DPP6: variants seen among roughly 807,000 people sequenced by gnomAD.
DPP6 encodes the protein A-type potassium channel modulatory protein DPP6.
In DPP6, 69 loss-of-function variants were observed where a neutral mutation model predicts 122.6. That is an observed-to-expected ratio of 0.56 (90% CI 0.46 to 0.69). The LOEUF is 0.69. Among genes scored for constraint, DPP6 ranks in the 30% least tolerant of loss-of-function variants. The probability of loss-of-function intolerance (pLI) is 0.00; values close to 1 mark genes in which losing one functional copy is unlikely to be tolerated. For missense variants in DPP6, 928 were observed against 1,116.9 expected (o/e 0.83, Z 2.41); for synonymous variants, 418 against 433.1 (o/e 0.97, Z 0.43).
intron 6 of DPP6, among the ~76,000 whole-genome samples, chr7:154,653,167 C>A (rs189510680): frequency 1.8e-4 from 28 of 152,154 alleles, no homozygotes; most frequent in Non-Finnish European, 2.8e-4. Flanking sequence ...TTGTTTTTAA[C>A]ACATATGATG....
intron 1 of DPP6, among the ~76,000 whole-genome samples, chr7:154,420,063 A>T (rs1371336070): frequency 3.3e-5 from 5 of 152,226 alleles, no homozygotes; most frequent in Admixed American, 6.5e-5. Context: ...GAAGGCCGGC[A>T]CGGTGGCTTT....
chr7:154,064,736 A>G (rs1802562944), intron 1 of DPP6, among the ~76,000 whole-genome samples: 1 of 152,190 alleles, frequency 6.6e-6, no homozygotes, highest in East Asian at 1.9e-4. Context: ...GTTCCTAACG[A>G]GAGAGGAAGA....
chr7:154,559,907 TA>T (rs201282904), intron 4 of DPP6, among the ~76,000 whole-genome samples: 2,168 of 148,020 alleles, frequency 0.015, 28 homozygotes, highest in South Asian at 0.034. Flanking sequence ...CTTTTTCTCT[TA>T]AAAAAAATAA....
chr7:154,011,762 G>A (rs1336621466), intron 1 of DPP6, among the ~76,000 whole-genome samples: 9 of 152,250 alleles, frequency 5.9e-5, no homozygotes, highest in Middle Eastern at 6.8e-3. Context: ...ATTGCCAAAT[G>A]TATTCTTGAG....
chr7:154,209,553 AAAC>A (rs200806588), intron 1 of DPP6, among the ~76,000 whole-genome samples: 1,311 of 103,406 alleles, frequency 0.013, 10 homozygotes, highest in Admixed American at 0.013. Flanking sequence ...TAAAAAAAAA[AAAC>A]AAAAAACCTT....
intron 5 of DPP6, among the ~76,000 whole-genome samples, chr7:154,609,012 C>T (rs1295165885): frequency 8.5e-5 from 13 of 152,152 alleles, no homozygotes; most frequent in African/African-American, 2.2e-4. Context: ...GCCCAAGGCA[C>T]TCACCCTGTT....
intron 1 of DPP6, among the ~76,000 whole-genome samples, chr7:153,958,338 G>A (rs1563048652): frequency 6.6e-6 from 1 of 152,244 alleles, no homozygotes; most frequent in South Asian, 2.1e-4. Flanking sequence ...GTCCTGAAGC[G>A]TTGCCTCATT....
intron 3 of DPP6, among the ~76,000 whole-genome samples, chr7:154,536,645 G>A (rs893689306): frequency 9.9e-5 from 15 of 152,054 alleles, no homozygotes; most frequent in African/African-American, 3.1e-4. Context: ...CAAACCCTTC[G>A]TGAAGGAAAC....
chr7:154,654,564 G>A (rs1837119603), intron 6 of DPP6, among the ~76,000 whole-genome samples: 2 of 151,780 alleles, frequency 1.3e-5, no homozygotes, highest in South Asian at 2.1e-4. Context: ...GATTACAGGC[G>A]CATGCCACCA....
In DPP6 at chr7:153,971,298, A is replaced by G. The variant is rs907240190; in HGVS notation, c.51+83564A>G. 2.4e-4 allele frequency among the ~76,000 whole-genome samples: 36 copies of G among 151,940 alleles called. 1 individual carries two copies. The highest frequency in any genetic ancestry group is 8.4e-4 in the African/African-American group (35 of 41,474). ...ACTTTTTATCCTACAAATTTGCTGA[A>G]CTGTTTTATTGATTTTGTAGTTTTT... On this transcript the variant is annotated intron_variant, in intron 1 of 25. Coordinates refer to the DPP6 transcript ENST00000404039.
At chr7:154,455,788 A>G (rs929043547) in intron 2 of DPP6, among the ~76,000 whole-genome samples, 2 of 152,216 alleles carry the variant, frequency 1.3e-5, no homozygotes, top group South Asian at 2.1e-4. Flanking sequence ...ATGGGTCTAC[A>G]TATTTATCTA....
chr7:153,920,616 A>G (rs1018470257), intron 1 of DPP6, among the ~76,000 whole-genome samples: 2 of 119,174 alleles, frequency 1.7e-5, no homozygotes, highest in Non-Finnish European at 3.2e-5. Context: ...GCTGGAGTGC[A>G]GTGGCGGGAT....
the DPP6 span, among the ~76,000 whole-genome samples, chr7:153,845,287 A>T: frequency 6.6e-6 from 1 of 152,050 alleles, no homozygotes; most frequent in African/African-American, 2.4e-5. Context: ...TTTAAGCTAG[A>T]TTATTAGGTT....
At chr7:154,682,065 A>G (rs569779477) in intron 7 of DPP6, among the ~76,000 whole-genome samples, 1 of 152,360 alleles carries the variant, frequency 6.6e-6, no homozygotes, top group African/African-American at 2.4e-5. Flanking sequence ...ATTTATAGAC[A>G]TAAGGTCCAA....
chr7:154,084,761 G>A (rs1407531887), intron 1 of DPP6, among the ~76,000 whole-genome samples: 6 of 146,830 alleles, frequency 4.1e-5, no homozygotes, highest in South Asian at 2.2e-4. Context: ...AGGCCGAGGC[G>A]GGAGGATCAT....
chr7:154,709,257 G>C (rs1488931), intron 7 of DPP6, among the ~76,000 whole-genome samples: 7,385 of 152,242 alleles, frequency 0.049, 562 homozygotes, highest in African/African-American at 0.16. Context: ...GGAGTTCACT[G>C]CAGTCTTGAC....
chr7:154,366,057 G>C (rs1316760026), intron 1 of DPP6, among the ~76,000 whole-genome samples: 1 of 151,486 alleles, frequency 6.6e-6, no homozygotes, highest in Non-Finnish European at 1.5e-5. Context: ...AGGTTCCATA[G>C]ACTCCTCTTG....
chr7:154,883,403 T>C (rs1189701493), intron 21 of DPP6, among the ~76,000 whole-genome samples: 2 of 65,338 alleles, frequency 3.1e-5, no homozygotes, highest in African/African-American at 7.0e-5. Flanking sequence ...CACACACACA[T>C]GCTCACCCAT....
chr7:154,797,448 T>C (rs1798111667), intron 12 of DPP6, among the ~76,000 whole-genome samples: 1 of 152,208 alleles, frequency 6.6e-6, no homozygotes, highest in African/African-American at 2.4e-5. Flanking sequence ...TGAAATAGTA[T>C]TCCAGTATAT....
Sources: allele counts gnomAD v4.1 joint callset (sites outside exome capture counted in the v4.1 genomes callset), GRCh38; gene constraint gnomAD v4.1.1; transcripts MANE v1.5; gene names NCBI Gene and HGNC (gene_info 2026-07-23, HGNC 2026-07-21).